The following CHRM3 variants were observed in gnomAD, a reference collection of about 807,000 sequenced individuals.
CHRM3 encodes cholinergic receptor muscarinic 3.
In CHRM3, 11 loss-of-function variants were observed where a neutral mutation model predicts 41.8. The ratio of observed to expected loss-of-function variants is 0.26; its 90% CI spans 0.17 to 0.44. The LOEUF is 0.44. Ranked by LOEUF, CHRM3 falls within the 20% of genes least tolerant of loss-of-function variation. The pLI, the probability that CHRM3 is intolerant of heterozygous loss-of-function variation, is 1.00. For missense variants in CHRM3, 571 were observed against 745.4 expected, an observed-to-expected ratio of 0.77 and a Z score of 2.72; for synonymous variants, 297 against 301.4, an observed-to-expected ratio of 0.99 and a Z score of 0.15.
At chr1:239,490,430 T>C (rs1667480536) in intron 1 of CHRM3, among the ~76,000 whole-genome samples, 1 of 152,186 alleles carries the variant, frequency 6.6e-6, no homozygotes, top group Non-Finnish European at 1.5e-5. Context: ...TAATGGTCTG[T>C]TCACTGGTCT....
intron 4 of CHRM3, among the ~76,000 whole-genome samples, chr1:239,653,920 G>T (rs1307785859): frequency 1.3e-5 from 2 of 152,174 alleles, no homozygotes. Context: ...AGGCAGCAAA[G>T]CTTGAAGCAC....
Position 239,676,368 on chromosome 1 carries a change from C to G in CHRM3, c.-249-1818C>G, listed in dbSNP as rs568683903. On this transcript the variant is annotated intron_variant, in intron 4 of 6. Transcript: ENST00000676153. ...CCTGCCATGTGTATTACAGAGAAGT[C>G]TATTATTGAAACTCACAAGGTGAAA... 5.1e-3 allele frequency among the ~76,000 whole-genome samples: 780 copies of G among 151,488 alleles called. 1 individual carries two copies. Among genetic ancestry groups the G allele is most frequent in the African/African-American group, 0.018 (736 of 41,298 alleles).
At chr1:239,733,003 CA>C (rs1664090211) in intron 5 of CHRM3, among the ~76,000 whole-genome samples, 1 of 151,902 alleles carries the variant, frequency 6.6e-6, no homozygotes, top group Admixed American at 6.6e-5. Context: ...TAACTTTACC[CA>C]AAAATGGATC....
intron 1 of CHRM3, among the ~76,000 whole-genome samples, chr1:239,388,686 T>C (rs1264305654): frequency 2.6e-5 from 4 of 152,216 alleles, no homozygotes; most frequent in Non-Finnish European, 5.9e-5. Flanking sequence ...CCAAATATTG[T>C]GGGATAGACG....
At chr1:239,686,727 C>T (rs541416977) in intron 5 of CHRM3, among the ~76,000 whole-genome samples, 32 of 152,092 alleles carry the variant, frequency 2.1e-4, no homozygotes, top group Non-Finnish European at 4.0e-4. Context: ...TGAATTTTAA[C>T]GGATCCATGA....
chr1:239,399,290 G>T (rs1402752461), intron 1 of CHRM3, among the ~76,000 whole-genome samples: 1 of 150,078 alleles, frequency 6.7e-6, no homozygotes, highest in Non-Finnish European at 1.5e-5. Context: ...GTGGTACTTT[G>T]TGAAATGATT....
At chr1:239,611,483 C>G (rs181807920) in intron 3 of CHRM3, among the ~76,000 whole-genome samples, 69 of 139,450 alleles carry the variant, frequency 4.9e-4, no homozygotes, top group African/African-American at 1.8e-3. Flanking sequence ...TGCTGTGGCG[C>G]GATCTTGGCT....
chr1:239,457,102 C>T (rs1665002656), intron 1 of CHRM3, among the ~76,000 whole-genome samples: 1 of 152,182 alleles, frequency 6.6e-6, no homozygotes, highest in African/African-American at 2.4e-5. Context: ...ACGTTTGCAT[C>T]ATCCTTTCTC....
chr1:239,412,857 G>C (rs1416992040), intron 1 of CHRM3, among the ~76,000 whole-genome samples: 1 of 151,990 alleles, frequency 6.6e-6, no homozygotes, highest in Non-Finnish European at 1.5e-5. Context: ...GAGGCGGGCA[G>C]ATTACGAGGT....
intron 5 of CHRM3, among the ~76,000 whole-genome samples, chr1:239,745,201 AG>A (rs1665239490): frequency 6.6e-6 from 1 of 152,184 alleles, no homozygotes; most frequent in Non-Finnish European, 1.5e-5. Flanking sequence ...TAAGAAGGAA[AG>A]TGACATGATC....
rs144840184 is a variant in CHRM3 at position 239,900,519 on chromosome 1, A to G, written c.-19-6914A>G. On this transcript the variant is annotated intron_variant, in intron 6 of 6. Transcript: ENST00000676153. ...GGCCGTGGCCCCAAGGCCTCGGAGAAGTTCATAGAAAATGTCTGAAAGAAG... is the reference window on the plus strand; with the variant it reads ...GGCCGTGGCCCCAAGGCCTCGGAGAGGTTCATAGAAAATGTCTGAAAGAAG... Among the ~76,000 whole-genome samples the G allele has an allele frequency of 1.3e-4, 20 of 152,102 alleles. No homozygotes were observed. The East Asian group carries it at 3.3e-3, about 25-fold the overall frequency.
chr1:239,717,644 T>C (rs1314009165), intron 5 of CHRM3, among the ~76,000 whole-genome samples: 1 of 151,992 alleles, frequency 6.6e-6, no homozygotes, highest in African/African-American at 2.4e-5. Context: ...GGGGGGTGCT[T>C]ATATAATCTG....
chr1:239,716,348 A>G (rs1432840528), intron 5 of CHRM3, among the ~76,000 whole-genome samples: 1 of 152,124 alleles, frequency 6.6e-6, no homozygotes, highest in African/African-American at 2.4e-5. Flanking sequence ...GAGGTGGCCA[A>G]GTTTGGGGTC....
chr1:239,482,730 G>T (rs1209368382), intron 1 of CHRM3, among the ~76,000 whole-genome samples: 1 of 152,022 alleles, frequency 6.6e-6, no homozygotes, highest in Non-Finnish European at 1.5e-5. Context: ...ATTTCATATG[G>T]TTTTGTATCA....
intron 5 of CHRM3, among the ~76,000 whole-genome samples, chr1:239,796,039 G>A (rs1449953150): frequency 6.6e-6 from 1 of 152,086 alleles, no homozygotes; most frequent in African/African-American, 2.4e-5. Context: ...ATTTTTTTAA[G>A]TTCATCAAAT....
chr1:239,520,317 A>G (rs954954874), intron 2 of CHRM3, among the ~76,000 whole-genome samples: 1 of 152,032 alleles, frequency 6.6e-6, no homozygotes, highest in Non-Finnish European at 1.5e-5. Context: ...GCAATCCTCA[A>G]AGTTGGAGGT....
At chr1:239,485,550 G>C (rs1172813105) in intron 1 of CHRM3, among the ~76,000 whole-genome samples, 1 of 152,096 alleles carries the variant, frequency 6.6e-6, no homozygotes, top group Non-Finnish European at 1.5e-5. Context: ...AAAGTGGTGG[G>C]ATTACAGGCA....
chr1:239,530,265 T>C (rs1670309822), intron 2 of CHRM3, among the ~76,000 whole-genome samples: 1 of 152,188 alleles, frequency 6.6e-6, no homozygotes, highest in Non-Finnish European at 1.5e-5. Context: ...AATTAATTAA[T>C]TGCACCATTG....
At chr1:239,849,392 C>G (rs922003715) in intron 6 of CHRM3, among the ~76,000 whole-genome samples, 1 of 152,168 alleles carries the variant, frequency 6.6e-6, no homozygotes, top group African/African-American at 2.4e-5. Flanking sequence ...GTGCAGCACA[C>G]GCCTGGACTT....
Sources: allele counts gnomAD v4.1 joint callset (sites outside exome capture counted in the v4.1 genomes callset), GRCh38; gene constraint gnomAD v4.1.1; transcripts MANE v1.5; gene names NCBI Gene and HGNC (gene_info 2026-07-23, HGNC 2026-07-21).